Variants in TMPRSS4 observed in about 807,000 individuals in gnomAD.
TMPRSS4 encodes the protein transmembrane serine protease 4, also known as transmembrane protease serine 4.
In TMPRSS4, 45 loss-of-function variants were observed where a neutral mutation model predicts 56.4. The observed-to-expected ratio is 0.80, with a 90% CI of 0.63 to 1.02. The LOEUF (loss-of-function observed/expected upper bound fraction) is 1.02. Among genes scored for constraint, TMPRSS4 ranks in the 50% least tolerant of loss-of-function variants. The pLI is 0.00. For missense variants in TMPRSS4, 546 were observed against 556.7 expected (o/e 0.98, Z 0.19); for synonymous variants, 205 against 211.0 (o/e 0.97, Z 0.25).
At chr11:118,084,468 A>G (rs1225185734) in intron 1 of TMPRSS4, among the ~76,000 whole-genome samples, 1 of 152,240 alleles carries the variant, frequency 6.6e-6, no homozygotes, top group African/African-American at 2.4e-5. Flanking sequence ...TCCTGAGCTC[A>G]GAGTTCACAG....
intron 1 of TMPRSS4, among the ~76,000 whole-genome samples, chr11:118,086,084 A>G (rs908474740): frequency 4.6e-5 from 7 of 152,222 alleles, no homozygotes; most frequent in Admixed American, 3.3e-4. Flanking sequence ...GGGCATGTAC[A>G]AATACCTCAC....
chr11:118,096,895 GAA>G (rs1423552181), intron 2 of TMPRSS4, among the ~76,000 whole-genome samples: 1 of 50,174 alleles, frequency 2.0e-5, no homozygotes, highest in African/African-American at 8.3e-5. Context: ...AAGAAAGAAA[GAA>G]AGAAAGAAAG....
chr11:118,094,895 C>T lies in TMPRSS4; in HGVS notation c.43+40C>T, dbSNP rs777623336. 4.4e-6 allele frequency: 7 copies of T among 1,603,412 alleles called. No homozygotes were observed. The Admixed American group carries it at 1.0e-4, about 24-fold the overall frequency. ...GGCTTTCATTCGTCCACCTTAGCCT[C>T]TGAGTTTCAGCTACCAAGTAGATCC... On this transcript the variant is annotated intron_variant, in intron 2 of 12. Coordinates refer to ENST00000437212, the MANE Select transcript of TMPRSS4 (RefSeq NM_019894.4).
downstream of TMPRSS4, among the ~76,000 whole-genome samples, chr11:118,124,704 G>T (rs1200545093): frequency 5.9e-5 from 9 of 152,162 alleles, no homozygotes; most frequent in Admixed American, 5.2e-4. Flanking sequence ...AAGAATGGAA[G>T]ATTAAACAAT....
rs1565423657 is a variant in TMPRSS4 at position 118,097,016 on chromosome 11, GAAAGAAAGAAAGAAAGAAAAGGAAA to G, written c.44-1968_44-1944del. ...AGAAAGAAAGAAAGAAAGAAAGAAA[GAAAGAAAGAAAGAAAGAAAAGGAAA>G]GAAAGGAAAGGAAAGGAAAGGAAAG... is the stretch of plus-strand genomic sequence containing the variant. On this transcript the variant is annotated intron_variant, in intron 2 of 12. Coordinates refer to ENST00000437212, the MANE Select transcript of TMPRSS4 (RefSeq NM_019894.4). Among the ~76,000 whole-genome samples the G allele has an allele frequency of 6.4e-5, 4 of 62,778 alleles. 1 individual carries two copies. Among genetic ancestry groups the G allele is most frequent in the African/African-American group, 2.4e-4 (4 of 16,962 alleles). The allele number at this position is 62,778 out of a possible 152,430, so 41.2% of individuals were successfully genotyped here. A position where few individuals can be genotyped will look rare whatever the true frequency, so the allele number is the denominator to read the frequency against.
chr11:118,096,485 G>T (rs1448671812), intron 2 of TMPRSS4, among the ~76,000 whole-genome samples: 2 of 152,190 alleles, frequency 1.3e-5, no homozygotes, highest in Non-Finnish European at 2.9e-5. Context: ...AATGTGACCT[G>T]TAAGAAAGGT....
intron 1 of TMPRSS4, 49 bp from the exon 2 acceptor site, chr11:118,094,749 TCCCGTAGGCTGCTAGCCC>T (rs1431009839): frequency 1.1e-5 from 16 of 1,477,068 alleles, no homozygotes; most frequent in Admixed American, 1.9e-5. Flanking sequence ...CCCAAGAACC[TCCCGTAGGCTGCTAGCCC>T]CAGCCTGAGA....
chr11:118,118,246 A>G lies in TMPRSS4; in HGVS notation c.*333A>G. On this transcript the variant is annotated 3_prime_UTR_variant, in exon 13 of 13. Transcript: ENST00000437212. Reference sequence around the variant, plus strand: ...CTGAATGGAAGCAGGCTGTCTTGTAAAAGCCCAGATCACTGTGGGCTGGAG... The same window carrying G: ...CTGAATGGAAGCAGGCTGTCTTGTAGAAGCCCAGATCACTGTGGGCTGGAG... 8.0e-7 allele frequency: 1 copy of G among 1,246,666 alleles called. No individual in the cohort carries two copies. The highest frequency in any genetic ancestry group is 1.0e-6 in the Non-Finnish European group (1 of 991,476). 77.2% of individuals were successfully genotyped at this position (1,246,666 alleles called of 1,614,324 possible). A position where few individuals can be genotyped will look rare whatever the true frequency, so the allele number is the denominator to read the frequency against.
chr11:118,078,571 C>T (rs1443384909), intron 1 of TMPRSS4, among the ~76,000 whole-genome samples: 1 of 152,182 alleles, frequency 6.6e-6, no homozygotes, highest in African/African-American at 2.4e-5. Context: ...AAGGAGGCGC[C>T]CCAAAGTTTG....
At chr11:118,095,179 T>C (rs1051936064) in intron 2 of TMPRSS4, 2 of 326,798 alleles carry the variant, frequency 6.1e-6, no homozygotes, top group Non-Finnish European at 5.8e-6. Context: ...GGCTGGATGC[T>C]GGGCTATAAC....
chr11:118,104,787 C>T lies in TMPRSS4; in HGVS notation c.407C>T (p.Ala136Val). Residue 136 changes from alanine to valine, a missense_variant, in exon 5 of 13, where the codon GCT becomes GTT. Physicochemically the swap from Ala to Val is moderately conservative, Grantham distance 64. Coordinates refer to ENST00000437212, the MANE Select transcript of TMPRSS4 (RefSeq NM_019894.4). ...ACFDNFTEAL[A>V]ETACRQMGYS... Reference sequence around the variant, plus strand: ...TTCGACAACTTCACAGAAGCTCTCGCTGAGACAGCCTGTAGGCAGATGGGC... The same window carrying T: ...TTCGACAACTTCACAGAAGCTCTCGTTGAGACAGCCTGTAGGCAGATGGGC... 6.2e-7 allele frequency: 1 copy of T among 1,612,956 alleles called. No homozygotes were observed. The highest frequency in any genetic ancestry group is 8.5e-7 in the Non-Finnish European group (1 of 1,179,456).
rs376278314 is a variant in TMPRSS4 at position 118,117,916 on chromosome 11, C to G, written c.*3C>G. 1.9e-6 allele frequency: 3 copies of G among 1,613,236 alleles called. No homozygotes were observed. The highest frequency in any genetic ancestry group is 2.5e-6 in the Non-Finnish European group (3 of 1,180,044). On this transcript the variant is annotated 3_prime_UTR_variant, in exon 13 of 13. Coordinates refer to ENST00000437212, the MANE Select transcript of TMPRSS4 (RefSeq NM_019894.4). ...TCTTATTCTAGGCTGAGCTGTAATG[C>G]TGCTGCCCCTTTGCAGTGCTGGGAG...
downstream of TMPRSS4, chr11:118,125,343 A>C (rs533269003): frequency 1.3e-5 from 6 of 456,706 alleles, no homozygotes; most frequent in East Asian, 2.8e-4. Context: ...AGGTCTTGTG[A>C]TTCAGCAACC....
chr11:118,090,804 TCACACACACACACACAAACA>T (rs1945891020), intron 1 of TMPRSS4, among the ~76,000 whole-genome samples: 1 of 142,650 alleles, frequency 7.0e-6, no homozygotes, highest in African/African-American at 2.7e-5. Flanking sequence ...TCTCACTCTG[TCACACACACACACACAAACA>T]CACACACACA....
intron 1 of TMPRSS4, among the ~76,000 whole-genome samples, chr11:118,093,232 C>G (rs1054984537): frequency 6.6e-6 from 1 of 152,174 alleles, no homozygotes; most frequent in Admixed American, 6.5e-5. Context: ...CAAGCAACAC[C>G]CAGGGACCCT....
chr11:118,111,981 C>T, intron 8 of TMPRSS4, 81 bp downstream of exon 8: 1 of 1,537,964 alleles, frequency 6.5e-7, no homozygotes, highest in Non-Finnish European at 8.7e-7. Context: ...TCTCCTGGCA[C>T]CGTCCTTCTC....
At chr11:118,106,854 GGCCACACATCAAACTAGT>G (rs1257252722) in intron 5 of TMPRSS4, 2 of 152,310 alleles carry the variant, frequency 1.3e-5, no homozygotes, top group Non-Finnish European at 2.9e-5. Flanking sequence ...ACCTGCCCAA[GGCCACACATCAAACTAGT>G]GCCAGAGCCA....
At chr11:118,123,465 A>G (rs559319205), downstream of TMPRSS4, among the ~76,000 whole-genome samples, 1 of 152,358 alleles carries the variant, frequency 6.6e-6, no homozygotes, top group East Asian at 1.9e-4. Flanking sequence ...AAGGTGGGAC[A>G]TTCCACCACA....
At chr11:118,114,703 A>G (rs931697964) in intron 9 of TMPRSS4, 126 bp from the exon 10 acceptor site, 13 of 1,036,950 alleles carry the variant, frequency 1.3e-5, no homozygotes, top group Non-Finnish European at 1.9e-5. Flanking sequence ...TACTATCTGC[A>G]GGAATTAGCT....
Sources: gnomAD v4.1 joint callset for allele counts (sites outside exome capture counted in the v4.1 genomes callset) on GRCh38, gnomAD v4.1.1 for gene constraint, MANE v1.5 for transcripts, NCBI Gene and HGNC (gene_info 2026-07-23, HGNC 2026-07-21) for gene names.